The following CRISPLD2 variants were observed in gnomAD, a reference collection of about 807,000 sequenced individuals.
The protein encoded by CRISPLD2 is cysteine rich secretory protein LCCL domain containing 2.
A neutral mutation model predicts 71.1 loss-of-function variants in CRISPLD2; 47 were observed. The ratio of observed to expected loss-of-function variants is 0.66; its 90% CI spans 0.52 to 0.84. The LOEUF (loss-of-function observed/expected upper bound fraction) is 0.84. Ranked by LOEUF, CRISPLD2 falls within the 40% of genes least tolerant of loss-of-function variation. The pLI, the probability that CRISPLD2 is intolerant of heterozygous loss-of-function variation, is 0.00. For synonymous variants in CRISPLD2, 317 were observed against 250.1 expected (o/e 1.27, Z -2.52); for missense variants, 830 against 651.1 (o/e 1.27, Z -2.99).
intron 14 of CRISPLD2, among the ~76,000 whole-genome samples, chr16:84,901,966 G>GT: frequency 6.6e-6 from 1 of 151,048 alleles, no homozygotes; most frequent in South Asian, 2.1e-4. Context: ...GCTAATTTTT[G>GT]TTTTTGTATT....
At position 84,907,379 on chromosome 16, in the gene CRISPLD2, CA is replaced by C. The variant is rs1443086065; in HGVS notation, c.*738del. The C allele has an allele frequency of 6.6e-6, 1 of 152,540 alleles. No individual in the cohort carries two copies. Among genetic ancestry groups the C allele is most frequent in the Non-Finnish European group, 1.5e-5 (1 of 68,280 alleles). The allele number at this position is 152,540 out of a possible 1,614,324, so 9.4% of individuals were successfully genotyped here. ...TTGTCTTTGTCAGGCCCTTCGTCTT[CA>C]TGGCCCACCTGTTTTCTGCCGTGAC... is the stretch of plus-strand genomic sequence containing the variant. On this transcript the variant is annotated 3_prime_UTR_variant, in exon 15 of 15. Coordinates refer to ENST00000262424, the MANE Select transcript of CRISPLD2 (RefSeq NM_031476.4).
chr16:84,877,372 C>A, intron 11 of CRISPLD2, 66 bp from the exon 12 acceptor site: 2 of 1,473,366 alleles, frequency 1.4e-6, no homozygotes, highest in Admixed American at 1.7e-5. Context: ...GCCCATTGCA[C>A]AGCCTGGTAG....
Position 84,906,750 on chromosome 16 carries a change from G to C in CRISPLD2, c.*108G>C. On this transcript the variant is annotated 3_prime_UTR_variant, in exon 15 of 15. Coordinates refer to ENST00000262424, the MANE Select transcript of CRISPLD2 (RefSeq NM_031476.4). ...TATGGAGAGTCAGGAAACTTCCTTT[G>C]ACTGATGTTCAGTGTCCATCACTTT... The C allele has an allele frequency of 8.0e-7, 1 of 1,256,774 alleles. No individual in the cohort carries two copies. Among genetic ancestry groups the C allele is most frequent in the Non-Finnish European group, 1.2e-6 (1 of 859,390 alleles). The allele number at this position is 1,256,774 out of a possible 1,614,324, so 77.9% of individuals were successfully genotyped here.
chr16:84,908,388 C>CA lies in CRISPLD2; in HGVS notation c.*1749dup, dbSNP rs1285977355. 17 of 152,334 alleles carry CA rather than the reference C, an allele frequency of 1.1e-4. No individual in the cohort carries two copies. The highest frequency in any genetic ancestry group is 4.1e-4 in the African/African-American group (17 of 41,430). 9.4% of individuals were successfully genotyped at this position (152,334 alleles called of 1,614,324 possible). A position where few individuals can be genotyped will look rare whatever the true frequency, so the allele number is the denominator to read the frequency against. ...GTCAGGTCGTGAGTCCAGTTACCAC[C>CA]AAACATCTGGGAAACTTCTGGGTGC... On this transcript the variant is annotated 3_prime_UTR_variant, in exon 15 of 15. Coordinates refer to ENST00000262424, the MANE Select transcript of CRISPLD2 (RefSeq NM_031476.4).
At chr16:84,857,440 G>A (rs371690771) in intron 6 of CRISPLD2, among the ~76,000 whole-genome samples, 19 of 152,236 alleles carry the variant, frequency 1.2e-4, no homozygotes, top group African/African-American at 3.9e-4. Context: ...TTTCTCTGTC[G>A]CCAATTTCCC....
At chr16:84,857,671 A>C (rs1418949185) in intron 6 of CRISPLD2, among the ~76,000 whole-genome samples, 1 of 152,202 alleles carries the variant, frequency 6.6e-6, no homozygotes, top group African/African-American at 2.4e-5. Flanking sequence ...ACTATCAGGT[A>C]GTGCCTGCGT....
intron 14 of CRISPLD2, among the ~76,000 whole-genome samples, chr16:84,893,109 C>T (rs1339497919): frequency 6.6e-6 from 1 of 151,838 alleles, no homozygotes; most frequent in Non-Finnish European, 1.5e-5. Flanking sequence ...GAGCCCCCAA[C>T]AGGGTGATGG....
chr16:84,904,357 G>A (rs945392065), intron 14 of CRISPLD2, among the ~76,000 whole-genome samples: 2 of 19,550 alleles, frequency 1.0e-4, no homozygotes, highest in East Asian at 0.012. Context: ...GGCCAAGGAG[G>A]GGAGGATCAC....
intron 1 of CRISPLD2, among the ~76,000 whole-genome samples, chr16:84,825,322 G>A (rs997205999): frequency 1.3e-5 from 2 of 152,164 alleles, no homozygotes; most frequent in African/African-American, 4.8e-5. Flanking sequence ...TAACACTTTG[G>A]GAGGTCTAGG....
At chr16:84,881,268 C>T (rs747121864) in intron 13 of CRISPLD2, among the ~76,000 whole-genome samples, 3 of 152,238 alleles carry the variant, frequency 2.0e-5, no homozygotes, top group Admixed American at 1.3e-4. Context: ...TATGCACACA[C>T]TTAGCTAAAA....
At chr16:84,858,083 GC>G (rs1917289140) in intron 6 of CRISPLD2, among the ~76,000 whole-genome samples, 1 of 152,166 alleles carries the variant, frequency 6.6e-6, no homozygotes, top group South Asian at 2.1e-4. Flanking sequence ...GCAGAAGATG[GC>G]AGGGCCTTAC....
At chr16:84,891,760 C>T (rs2071664806) in intron 14 of CRISPLD2, among the ~76,000 whole-genome samples, 1 of 152,114 alleles carries the variant, frequency 6.6e-6, no homozygotes, top group Non-Finnish European at 1.5e-5. Context: ...ATTGGTAGGC[C>T]CCTGGGGAGG....
intron 6 of CRISPLD2, among the ~76,000 whole-genome samples, chr16:84,858,633 T>C (rs1466674904): frequency 6.6e-6 from 1 of 152,204 alleles, no homozygotes; most frequent in Non-Finnish European, 1.5e-5. Flanking sequence ...AATGGAGCAG[T>C]GTGATATCTT....
At position 84,882,056 on chromosome 16, in the gene CRISPLD2, T is replaced by A. The variant is rs564164426; in HGVS notation, c.1305+1472T>A. 2.3e-4 allele frequency among the ~76,000 whole-genome samples: 35 copies of A among 152,304 alleles called. No individual in the cohort carries two copies. The South Asian group carries it at 6.8e-3, about 30-fold the overall frequency. Reference sequence around the variant, plus strand: ...GAATTTTTATGAAGGAGTAAAATAATATTGTCGATTATTACACCAAATGTT... The same window carrying A: ...GAATTTTTATGAAGGAGTAAAATAAAATTGTCGATTATTACACCAAATGTT... On this transcript the variant is annotated intron_variant, in intron 13 of 14. Coordinates refer to ENST00000262424, the MANE Select transcript of CRISPLD2 (RefSeq NM_031476.4).
intron 14 of CRISPLD2, among the ~76,000 whole-genome samples, chr16:84,893,908 G>A (rs572899871): frequency 6.6e-5 from 10 of 152,346 alleles, no homozygotes; most frequent in African/African-American, 1.2e-4. Context: ...AGCCCTTGGC[G>A]AGGGGGCGGT....
At chr16:84,883,817 T>C (rs2071588575) in intron 13 of CRISPLD2, among the ~76,000 whole-genome samples, 1 of 151,882 alleles carries the variant, frequency 6.6e-6, no homozygotes. Flanking sequence ...TGTGCCATCC[T>C]GCGTTAAGCC....
chr16:84,887,237 T>C (rs2071621226), intron 13 of CRISPLD2, among the ~76,000 whole-genome samples: 2 of 151,846 alleles, frequency 1.3e-5, no homozygotes, highest in Admixed American at 1.3e-4. Flanking sequence ...TTGGTGGGGG[T>C]TAAGCTTTTA....
intron 1 of CRISPLD2, among the ~76,000 whole-genome samples, chr16:84,825,035 C>T (rs554148715): frequency 2.0e-5 from 3 of 152,156 alleles, no homozygotes; most frequent in South Asian, 2.1e-4. Flanking sequence ...ACCCGGGAGG[C>T]GGAGGTTGCA....
intron 11 of CRISPLD2, among the ~76,000 whole-genome samples, chr16:84,876,824 A>G (rs1378298812): frequency 6.6e-6 from 1 of 152,254 alleles, no homozygotes. Context: ...AAGTTTACTT[A>G]GCCCTGAACT....
Sources: allele counts gnomAD v4.1 joint callset (sites outside exome capture counted in the v4.1 genomes callset), GRCh38; gene constraint gnomAD v4.1.1; transcripts MANE v1.5; gene names NCBI Gene and HGNC (gene_info 2026-07-23, HGNC 2026-07-21).